Variants in NEK11 observed in about 807,000 individuals in gnomAD.
NEK11 encodes the protein serine/threonine-protein kinase Nek11.
A neutral mutation model predicts 80.7 loss-of-function variants in NEK11; 72 were observed. That is an observed-to-expected ratio of 0.89 (90% CI 0.74 to 1.08). The LOEUF (loss-of-function observed/expected upper bound fraction) is 1.08, where lower values mean the gene tolerates loss of function less well. Ranked by LOEUF, NEK11 falls within the 50% of genes least tolerant of loss-of-function variation. The pLI is 0.00. For missense variants in NEK11, 764 were observed against 763.6 expected (o/e 1.00, Z -0.01); for synonymous variants, 251 against 260.7 (o/e 0.96, Z 0.36).
rs1285913988 is a variant in NEK11 at position 131,064,642 on chromosome 3, G to C, written c.171-15781G>C. Among the ~76,000 whole-genome samples, 3 of 152,154 alleles carry C rather than the reference G, an allele frequency of 2.0e-5. No individual in the cohort carries two copies. In the East Asian group the frequency reaches 5.8e-4, roughly 29 times the overall value. ...AAGGGTTCTAAAATTAGACAGTGTTGATGGTTGCAGACCTCTGGGGATATA... is the reference window on the plus strand; with the variant it reads ...AAGGGTTCTAAAATTAGACAGTGTTCATGGTTGCAGACCTCTGGGGATATA... On this transcript the variant is annotated intron_variant, in intron 3 of 17. Transcript: ENST00000383366.
At chr3:131,221,124 A>T (rs2095008227) in intron 14 of NEK11, among the ~76,000 whole-genome samples, 1 of 152,068 alleles carries the variant, frequency 6.6e-6, no homozygotes, top group Non-Finnish European at 1.5e-5. Context: ...TCTCTTAGAG[A>T]TTTATGTACT....
chr3:131,114,236 A>C (rs2080642160), intron 5 of NEK11, among the ~76,000 whole-genome samples: 1 of 152,168 alleles, frequency 6.6e-6, no homozygotes, highest in Non-Finnish European at 1.5e-5. Flanking sequence ...TCTGACTTTA[A>C]AACTTTTTAA....
chr3:131,210,323 C>T (rs1452779662), intron 14 of NEK11, among the ~76,000 whole-genome samples: 8 of 152,200 alleles, frequency 5.3e-5, no homozygotes, highest in African/African-American at 1.9e-4. Context: ...TTTGATTGCA[C>T]TGTGGTCTGA....
At chr3:131,221,188 A>G (rs905056957) in intron 14 of NEK11, among the ~76,000 whole-genome samples, 2 of 152,174 alleles carry the variant, frequency 1.3e-5, no homozygotes, top group African/African-American at 2.4e-5. Context: ...TGTTGGGGAT[A>G]CCATGGTAAG....
Position 131,029,812 on chromosome 3 carries a change from T to C in NEK11, c.104T>C (p.Leu35Pro). ...IARRYVLQQK[L>P]GSGSFGTVYL... is the part of the protein sequence containing the mutation. ...AGAAGATACGTGCTTCAACAAAAAC[T>C]TGGCAGTGGAAGTTTTGGAACTGTC... Residue 35 changes from leucine to proline, a missense_variant, in exon 3 of 18, where the codon CTT (leucine) becomes CCT (proline). By Grantham distance (98) the Leu-to-Pro change is moderately conservative (BLOSUM62 -3). Transcript: ENST00000383366. 6.2e-7 allele frequency: 1 copy of C among 1,614,214 alleles called. No homozygotes were observed. The highest frequency in any genetic ancestry group is 8.5e-7 in the Non-Finnish European group (1 of 1,180,034).
intron 5 of NEK11, among the ~76,000 whole-genome samples, chr3:131,129,461 A>G (rs2084013348): frequency 6.6e-6 from 1 of 152,194 alleles, no homozygotes; most frequent in Non-Finnish European, 1.5e-5. Flanking sequence ...TTATTTTAAT[A>G]AAGTCTAGCT....
chr3:131,274,220 GTTC>G (rs933899202), intron 17 of NEK11, among the ~76,000 whole-genome samples: 87 of 147,686 alleles, frequency 5.9e-4, no homozygotes, highest in African/African-American at 2.0e-3. Context: ...TTGGTTTTTT[GTTC>G]TTGCGATAGT....
chr3:131,165,634 C>T lies in NEK11; in HGVS notation c.1176+115C>T, dbSNP rs369438767. On this transcript the variant is annotated intron_variant, in intron 12 of 17. Transcript: ENST00000383366. Reference sequence around the variant, plus strand: ...AAAACAAGAACATCCAGATTAACTTCACCCAATTCCAGGAAGGATTCTAGA... The same window carrying T: ...AAAACAAGAACATCCAGATTAACTTTACCCAATTCCAGGAAGGATTCTAGA... 4.9e-4 allele frequency: 317 copies of T among 650,414 alleles called. 1 individual carries two copies. In the South Asian group the frequency reaches 5.9e-3, roughly 12 times the overall value. The allele number at this position is 650,414 out of a possible 1,614,324, so 40.3% of individuals were successfully genotyped here.
At chr3:131,091,754 C>T (rs185094145) in intron 4 of NEK11, among the ~76,000 whole-genome samples, 4 of 152,136 alleles carry the variant, frequency 2.6e-5, no homozygotes, top group African/African-American at 9.7e-5. Flanking sequence ...AAAATAAAAA[C>T]TTTAAATAAA....
At chr3:131,197,163 T>A (rs2094049619) in intron 14 of NEK11, among the ~76,000 whole-genome samples, 1 of 152,118 alleles carries the variant, frequency 6.6e-6, no homozygotes, top group Non-Finnish European at 1.5e-5. Flanking sequence ...GGATTCTTAG[T>A]CAGCCTAGGA....
intron 10 of NEK11, among the ~76,000 whole-genome samples, chr3:131,161,935 T>C (rs2091647933): frequency 6.6e-6 from 1 of 152,238 alleles, no homozygotes; most frequent in Non-Finnish European, 1.5e-5. Context: ...TCTCATATGA[T>C]ACTTACTGTA....
chr3:131,160,442 A>C (rs2091381354), intron 10 of NEK11, among the ~76,000 whole-genome samples: 1 of 152,208 alleles, frequency 6.6e-6, no homozygotes, highest in South Asian at 2.1e-4. Flanking sequence ...TAAATATAGA[A>C]AGGAAAGACC....
intron 17 of NEK11, among the ~76,000 whole-genome samples, chr3:131,322,805 G>T (rs2096910457): frequency 2.0e-5 from 3 of 152,252 alleles, no homozygotes; most frequent in South Asian, 4.1e-4. Flanking sequence ...CACATACTGA[G>T]CACTGATGAA....
intron 14 of NEK11, among the ~76,000 whole-genome samples, chr3:131,208,992 C>T (rs920708372): frequency 1.3e-5 from 2 of 152,148 alleles, no homozygotes; most frequent in Non-Finnish European, 2.9e-5. Context: ...CCAGAACTTC[C>T]AACACTATGT....
chr3:131,318,976 A>G (rs2096871284), intron 17 of NEK11, among the ~76,000 whole-genome samples: 1 of 151,700 alleles, frequency 6.6e-6, no homozygotes, highest in African/African-American at 2.4e-5. Flanking sequence ...AACATCATTA[A>G]TTTCTCTATA....
rs528686107 is a variant in NEK11 at position 131,248,762 on chromosome 3, A to T, written c.1621+5266A>T. Among the ~76,000 whole-genome samples the T allele has an allele frequency of 8.5e-5, 13 of 152,270 alleles. No homozygotes were observed. The South Asian group carries it at 2.1e-3, about 24-fold the overall frequency. ...TCCTCTGTTCTTTCTTGAATAAAAG[A>T]TTATAGTGTGAATCTCTGTGCACTA... is the stretch of plus-strand genomic sequence containing the variant. On this transcript the variant is annotated intron_variant, in intron 16 of 17. Transcript: ENST00000383366.
At chr3:131,142,139 G>A (rs1028977789) in intron 7 of NEK11, among the ~76,000 whole-genome samples, 1 of 152,220 alleles carries the variant, frequency 6.6e-6, no homozygotes, top group Non-Finnish European at 1.5e-5. Flanking sequence ...CAGTGCTAGA[G>A]AGAAAGAGCA....
rs2718856 is a variant in NEK11, at chr3:131,179,890, T to G, written c.1399+9003T>G. On this transcript the variant is annotated intron_variant, in intron 14 of 17. Coordinates refer to ENST00000383366, the MANE Select transcript of NEK11 (RefSeq NM_024800.5). ...TCTTTGATTCTGTAAAGTACAATAT[T>G]ATATTTCTCAATTGTATTGGTCAGG... is the stretch of plus-strand genomic sequence containing the variant. Among the ~76,000 whole-genome samples the G allele has an allele frequency of 1.2e-4, 19 of 152,208 alleles. No individual in the cohort carries two copies. The East Asian group carries it at 2.9e-3, about 23-fold the overall frequency.
At position 131,243,972 on chromosome 3, in the gene NEK11, G is replaced by A. The variant is rs139600345; in HGVS notation, c.1621+476G>A. On this transcript the variant is annotated intron_variant, in intron 16 of 17. Coordinates refer to ENST00000383366, the MANE Select transcript of NEK11 (RefSeq NM_024800.5). ...ATAAATAGGATTGCTATGCTTCAGG[G>A]ATAAAGCCCTATTTCTTAGTTTCTT... Among the ~76,000 whole-genome samples the A allele has an allele frequency of 4.3e-3, 660 of 151,940 alleles. 5 individuals are homozygous for A. The highest frequency in any genetic ancestry group is 0.014 in the African/African-American group (597 of 41,440).
Sources: gnomAD v4.1 joint callset for allele counts (sites outside exome capture counted in the v4.1 genomes callset) on GRCh38, gnomAD v4.1.1 for gene constraint, MANE v1.5 for transcripts, NCBI Gene and HGNC (gene_info 2026-07-23, HGNC 2026-07-21) for gene names.